IL10RB: variants seen among roughly 807,000 people sequenced by gnomAD.
IL10RB encodes interleukin 10 receptor subunit beta.
In IL10RB, 30 loss-of-function variants were observed where a neutral mutation model predicts 38.7. The observed-to-expected ratio is 0.78, with a 90% CI of 0.58 to 1.05. The LOEUF is 1.05. Ranked by LOEUF, IL10RB falls within the 50% of genes least tolerant of loss-of-function variation. IL10RB has a pLI of 0.00. For missense variants in IL10RB, 328 were observed against 397.1 expected, an observed-to-expected ratio of 0.83 and a Z score of 1.48; for synonymous variants, 142 against 145.9, an observed-to-expected ratio of 0.97 and a Z score of 0.19.
At chr21:33,305,708 G>C (rs1385297614) in intron 1 of IL10RB, among the ~76,000 whole-genome samples, 2 of 152,168 alleles carry the variant, frequency 1.3e-5, no homozygotes, top group Non-Finnish European at 2.9e-5. Context: ...CCCACTAATG[G>C]AGACCCTGCA....
intron 2 of IL10RB, among the ~76,000 whole-genome samples, chr21:33,274,721 A>G (rs1163959791): frequency 6.6e-6 from 1 of 152,216 alleles, no homozygotes; most frequent in South Asian, 2.1e-4. Flanking sequence ...CTGTAAACAG[A>G]TGTGCCGTCC....
At chr21:33,300,545 T>A (rs186643671), downstream of IL10RB, among the ~76,000 whole-genome samples, 73 of 151,918 alleles carry the variant, frequency 4.8e-4, 2 homozygotes, top group Middle Eastern at 3.4e-3. Flanking sequence ...ATAAAACATA[T>A]GCAAGCGAAA....
intron 1 of IL10RB, chr21:33,308,385 T>C (rs1467370): frequency 6.6e-6 from 1 of 152,124 alleles, no homozygotes; most frequent in Non-Finnish European, 1.5e-5. Flanking sequence ...TGATAGTAAC[T>C]GTACTATATT....
At position 33,276,717 on chromosome 21, in the gene IL10RB, G is replaced by A. The variant is rs764587844; in HGVS notation, c.295G>A (p.Asp99Asn). 6.2e-7 allele frequency: 1 copy of A among 1,614,138 alleles called. No homozygotes were observed. The highest frequency in any genetic ancestry group is 1.7e-5 in the Admixed American group (1 of 60,022). The change falls in exon 3 of 7, where the codon GAC becomes AAC. Residue 99 changes from aspartate (D) to asparagine (N), a missense_variant. Physicochemically the swap from Asp to Asn is conservative, Grantham distance 23 (BLOSUM62 1). Transcript: ENST00000290200. ...GGCTGAATTTGCAGATGAGCATTCAGACTGGGTAAACATCACCTTCTGTCC... is the reference window on the plus strand; with the variant it reads ...GGCTGAATTTGCAGATGAGCATTCAAACTGGGTAAACATCACCTTCTGTCC... ...VRAEFADEHS[D>N]WVNITFCPVD...
At position 33,266,417 on chromosome 21, in the gene IL10RB, G is replaced by C. The variant is rs948331115; in HGVS notation, c.-49G>C. The C allele has an allele frequency of 1.0e-5, 16 of 1,533,856 alleles. No homozygotes were observed. The highest frequency in any genetic ancestry group is 1.4e-5 in the Non-Finnish European group (16 of 1,143,154). Reference sequence around the variant, plus strand: ...CGCGGACAAGCTCTCCCGGGCGCGGGCGGGGGTCGTGTGCTTGGAGGAAGC... The same window carrying C: ...CGCGGACAAGCTCTCCCGGGCGCGGCCGGGGGTCGTGTGCTTGGAGGAAGC... On this transcript the variant is annotated 5_prime_UTR_variant, in exon 1 of 7. Coordinates refer to ENST00000290200, the MANE Select transcript of IL10RB (RefSeq NM_000628.5).
At chr21:33,304,528 T>G (rs983578747) in intron 1 of IL10RB, among the ~76,000 whole-genome samples, 3 of 152,212 alleles carry the variant, frequency 2.0e-5, no homozygotes, top group African/African-American at 7.2e-5. Flanking sequence ...GGTTCTTTCT[T>G]CAGCACCAGC....
At chr21:33,268,611 A>G (rs905582102) in intron 2 of IL10RB, 94 bp downstream of exon 2, 3 of 896,320 alleles carry the variant, frequency 3.3e-6, no homozygotes, top group South Asian at 1.3e-5. Context: ...GAGTCTGACT[A>G]CGGTCACCGT....
chr21:33,301,412 A>T (rs887616511), downstream of IL10RB, among the ~76,000 whole-genome samples: 2 of 152,184 alleles, frequency 1.3e-5, no homozygotes, highest in Admixed American at 1.3e-4. Flanking sequence ...GGTCAAATTT[A>T]TTGCTGTTGG....
intron 1 of IL10RB, among the ~76,000 whole-genome samples, chr21:33,302,460 C>G (rs1251767583): frequency 6.6e-6 from 1 of 152,250 alleles, no homozygotes; most frequent in African/African-American, 2.4e-5. Flanking sequence ...CTGCCCAATC[C>G]TACTTTCCTC....
chr21:33,276,582 T>C lies in IL10RB; in HGVS notation c.174-14T>C, dbSNP rs200472684. 4 of 1,610,294 alleles carry C rather than the reference T, an allele frequency of 2.5e-6. No individual in the cohort carries two copies. Among genetic ancestry groups the C allele is most frequent in the Non-Finnish European group, 3.4e-6 (4 of 1,176,572 alleles). On this transcript the variant is annotated splice_polypyrimidine_tract_variant and intron_variant, in intron 2 of 6. Coordinates refer to ENST00000290200, the MANE Select transcript of IL10RB (RefSeq NM_000628.5). ...CAGAACTCTCCTGATTGACCTATCT[T>C]TTTGATTGTGTAGTTATAGGATATT...
intron 6 of IL10RB, among the ~76,000 whole-genome samples, chr21:33,291,189 T>C (rs1989479847): frequency 6.6e-6 from 1 of 152,204 alleles, no homozygotes; most frequent in Admixed American, 6.5e-5. Flanking sequence ...ACCCTCATTC[T>C]AACTTAACTG....
chr21:33,299,449 A>G (rs2082980250), downstream of IL10RB, among the ~76,000 whole-genome samples: 1 of 152,218 alleles, frequency 6.6e-6, no homozygotes, highest in African/African-American at 2.4e-5. Context: ...CCTGAGGGGA[A>G]GACAGTGTAA....
chr21:33,281,399 A>C (rs780068241), intron 4 of IL10RB, among the ~76,000 whole-genome samples: 19 of 152,186 alleles, frequency 1.2e-4, no homozygotes, highest in Non-Finnish European at 2.5e-4. Context: ...GTGTGAATGC[A>C]AACTCCACTT....
At chr21:33,286,743 C>T (rs906630555) in intron 5 of IL10RB, among the ~76,000 whole-genome samples, 9 of 152,050 alleles carry the variant, frequency 5.9e-5, no homozygotes, top group Non-Finnish European at 1.0e-4. Flanking sequence ...GTCCCAGCTA[C>T]CCAGGAGGCT....
At chr21:33,288,774 G>T (rs951814111) in intron 6 of IL10RB, among the ~76,000 whole-genome samples, 10 of 152,168 alleles carry the variant, frequency 6.6e-5, no homozygotes, top group Non-Finnish European at 5.9e-5. Context: ...GGGTTAGGAA[G>T]AAGAAACAAT....
intron 3 of IL10RB, among the ~76,000 whole-genome samples, chr21:33,279,363 T>C (rs1288738039): frequency 6.6e-6 from 1 of 152,174 alleles, no homozygotes; most frequent in Admixed American, 6.5e-5. Flanking sequence ...ATGCCATCTG[T>C]AGCTTCCATC....
At chr21:33,268,561 A>G in intron 2 of IL10RB, 44 bp downstream of exon 2, 1 of 1,403,412 alleles carries the variant, frequency 7.1e-7, no homozygotes, top group Admixed American at 1.7e-5. Context: ...CGGAGGAGCC[A>G]GCCCTGGGCT....
At chr21:33,269,651 A>ATTTTTT (rs529634707) in intron 2 of IL10RB, among the ~76,000 whole-genome samples, 5 of 137,332 alleles carry the variant, frequency 3.6e-5, no homozygotes, top group Non-Finnish European at 6.3e-5. Context: ...AGATTCACCA[A>ATTTTTT]TTTTTTTTTT....
Position 33,296,518 on chromosome 21 carries a change from T to A in IL10RB, c.*161T>A. The A allele has an allele frequency of 1.3e-6, 1 of 750,242 alleles. No individual in the cohort carries two copies. The highest frequency in any genetic ancestry group is 2.3e-6 in the Non-Finnish European group (1 of 429,228). 46.5% of individuals were successfully genotyped at this position (750,242 alleles called of 1,614,324 possible). On this transcript the variant is annotated 3_prime_UTR_variant, in exon 7 of 7. Coordinates refer to ENST00000290200, the MANE Select transcript of IL10RB (RefSeq NM_000628.5). ...GACTTAGCCACCAGAGAGCTACATT[T>A]TAAAGGCTGTCTTGGCAAAAATACT...
Sources: allele counts gnomAD v4.1 joint callset (sites outside exome capture counted in the v4.1 genomes callset), GRCh38; gene constraint gnomAD v4.1.1; transcripts MANE v1.5; gene names NCBI Gene and HGNC (gene_info 2026-07-23, HGNC 2026-07-21).